Variants in CCDC88A observed in about 807,000 individuals in gnomAD.
CCDC88A encodes the protein coiled-coil and HOOK domain protein 88A, also known as girdin.
A neutral mutation model predicts 234.3 loss-of-function variants in CCDC88A; 54 were observed. That is an observed-to-expected ratio of 0.23 (90% confidence interval 0.19 to 0.29). The LOEUF (loss-of-function observed/expected upper bound fraction) is 0.29. CCDC88A is among the 10% of genes least tolerant of loss of function. The pLI is 1.00. For synonymous variants in CCDC88A, 753 were observed against 737.8 expected (o/e 1.02, Z -0.33); for missense variants, 1,832 against 2,123.4 (o/e 0.86, Z 2.70).
At chr2:55,305,585 G>A (rs1185016799) in intron 25 of CCDC88A, among the ~76,000 whole-genome samples, 1 of 152,146 alleles carries the variant, frequency 6.6e-6, no homozygotes, top group African/African-American at 2.4e-5. Context: ...AGTGGTTCAT[G>A]CCTGTAATCC....
intron 3 of CCDC88A, among the ~76,000 whole-genome samples, chr2:55,376,820 T>C (rs1220791103): frequency 6.6e-6 from 1 of 152,180 alleles, no homozygotes; most frequent in African/African-American, 2.4e-5. Context: ...CTTAAAAGAA[T>C]AAATTTCTGC....
At chr2:55,337,376 A>G (rs567066355) in intron 13 of CCDC88A, 2 of 152,302 alleles carry the variant, frequency 1.3e-5, no homozygotes, top group East Asian at 3.9e-4. Flanking sequence ...GAGATGAAAA[A>G]TACTGGTAGT....
At chr2:55,405,595 T>C (rs1383613178) in intron 2 of CCDC88A, 1 of 152,198 alleles carries the variant, frequency 6.6e-6, no homozygotes, top group East Asian at 1.9e-4. Context: ...GTCTGTGCCC[T>C]GTTAGGAACC....
At chr2:55,313,676 T>G (rs1682612131) in intron 22 of CCDC88A, 1 of 152,236 alleles carries the variant, frequency 6.6e-6, no homozygotes, top group South Asian at 2.1e-4. Context: ...CCCAGAGATC[T>G]GTATTAAAAA....
chr2:55,371,253 T>C lies in CCDC88A; in HGVS notation c.402+1199A>G, dbSNP rs75471597. Among the ~76,000 whole-genome samples the C allele has an allele frequency of 3.0e-3, 457 of 152,320 alleles. 2 individuals carry two copies. Among genetic ancestry groups the C allele is most frequent in the African/African-American group, 7.3e-3 (302 of 41,564 alleles). The stretch of plus-strand genomic sequence containing the variant: ...TTAGAAGACCATATTCAACTTAATA[T>C]TTAATCAATTGTGAAGTAAACACCT... On this transcript the variant is annotated intron_variant, in intron 5 of 32. Transcript: ENST00000436346.
rs1685302982 is a variant in CCDC88A, at chr2:55,334,916, A to G, written c.1905T>C (p.His635=). ...ERAEELENEL[H]HLEKENELLQ... is the part of the protein sequence containing the mutation. ...ATAATTCATTTTCTTTTTCAAGATG[A>G]TGCAATTCATTTTCAAGTTCTTCAG... is the stretch of plus-strand genomic sequence containing the variant. The change falls in exon 15 of 33, where the codon CAT becomes CAC. Residue 635 remains histidine, a synonymous_variant. Transcript: ENST00000436346. The surrounding 1 kb of genome is among the most constrained non-coding windows in gnomAD (Gnocchi z 6.1). The G allele has an allele frequency of 2.6e-6, 4 of 1,518,232 alleles. No individual in the cohort carries two copies. Among genetic ancestry groups the G allele is most frequent in the Non-Finnish European group, 3.6e-6 (4 of 1,118,928 alleles). 94.0% of individuals were successfully genotyped at this position (1,518,232 alleles called of 1,614,324 possible).
intron 3 of CCDC88A, among the ~76,000 whole-genome samples, chr2:55,385,903 T>C (rs1315020135): frequency 7.4e-6 from 1 of 134,946 alleles, no homozygotes; most frequent in East Asian, 2.1e-4. Context: ...TAACAAAAAT[T>C]AGAGAGCTAA....
intron 5 of CCDC88A, 103 bp downstream of exon 5, chr2:55,372,349 T>G: frequency 1.7e-6 from 1 of 574,716 alleles, no homozygotes; most frequent in Non-Finnish European, 3.1e-6. Context: ...ACATGGACTT[T>G]GAAAACCAAT....
intron 3 of CCDC88A, among the ~76,000 whole-genome samples, chr2:55,376,615 C>T (rs1011316745): frequency 2.6e-5 from 4 of 152,018 alleles, no homozygotes; most frequent in Admixed American, 6.6e-5. Flanking sequence ...AAACTATTGC[C>T]AAAATATGCC....
intron 2 of CCDC88A, among the ~76,000 whole-genome samples, chr2:55,412,405 T>C (rs1292759160): frequency 6.6e-6 from 1 of 152,216 alleles, no homozygotes; most frequent in Non-Finnish European, 1.5e-5. Flanking sequence ...ATTGGGTCCA[T>C]GGCTTGTTAG....
intron 12 of CCDC88A, among the ~76,000 whole-genome samples, chr2:55,341,286 A>C (rs1229790050): frequency 6.7e-6 from 1 of 150,320 alleles, no homozygotes; most frequent in Non-Finnish European, 1.5e-5. Flanking sequence ...CTGGGACTAC[A>C]GGCGCGCGCC....
Position 55,317,899 on chromosome 2 carries a change from A to C in CCDC88A, c.3325-58T>G, listed in dbSNP as rs1402718183. ...AAAAACAGTTCATGTTCTTTTTCAA[A>C]ATACAAGATTACAATGTTAATTAAA... On this transcript the variant is annotated intron_variant, in intron 19 of 32. Transcript: ENST00000436346. The surrounding 1 kb of genome is among the most constrained non-coding windows in gnomAD (Gnocchi z 4.2). 1 of 1,197,876 alleles carries C rather than the reference A, an allele frequency of 8.3e-7. No individual in the cohort carries two copies. Among genetic ancestry groups the C allele is most frequent in the East Asian group, 2.4e-5 (1 of 42,276 alleles). The allele number at this position is 1,197,876 out of a possible 1,614,324, so 74.2% of individuals were successfully genotyped here.
At chr2:55,400,472 G>T (rs1371153390) in intron 2 of CCDC88A, among the ~76,000 whole-genome samples, 3 of 152,116 alleles carry the variant, frequency 2.0e-5, no homozygotes, top group Non-Finnish European at 4.4e-5. Flanking sequence ...CAGTAAAAGA[G>T]GGCCTCAAGC....
At chr2:55,340,590 T>C (rs1375284194) in intron 12 of CCDC88A, among the ~76,000 whole-genome samples, 2 of 152,212 alleles carry the variant, frequency 1.3e-5, no homozygotes, top group Non-Finnish European at 2.9e-5. Context: ...ATTATTTAAA[T>C]TTAACTATAA....
intron 14 of CCDC88A, among the ~76,000 whole-genome samples, chr2:55,336,269 A>C (rs1437718117): frequency 6.6e-6 from 1 of 152,198 alleles, no homozygotes; most frequent in East Asian, 1.9e-4. Flanking sequence ...AATGAGAATG[A>C]ACATTAAAGA....
Position 55,295,872 on chromosome 2 carries a change from C to T in CCDC88A, c.5276G>A (p.Arg1759Gln), listed in dbSNP as rs149348311. The T allele has an allele frequency of 5.0e-6, 8 of 1,613,912 alleles. No individual in the cohort carries two copies. Among genetic ancestry groups the T allele is most frequent in the South Asian group, 1.1e-5 (1 of 91,068 alleles). ...AATGAAGTAGGTATCTTCAGTTTTT[C>T]GAGGACCAGGTCTCAAAAACTCAGG... ...TKPEFLRPGP[R>Q]KTEDTYFISS... The change falls in exon 31 of 33, where the codon CGA (arginine) becomes CAA (glutamine). Residue 1759 changes from arginine to glutamine, a missense_variant. By Grantham distance (43) the Arg-to-Gln change is conservative. Around this residue, in one of 6 missense-constraint regions of CCDC88A, gnomAD observed 422 missense variants for 416.5 expected, o/e 1.01. Transcript: ENST00000436346.
At chr2:55,322,827 A>C (rs1163882031) in intron 17 of CCDC88A, 135 bp from the exon 18 acceptor site, 2 of 463,604 alleles carry the variant, frequency 4.3e-6, no homozygotes, top group African/African-American at 4.0e-5. Context: ...AATAATATGT[A>C]TGATTTATGC....
intron 9 of CCDC88A, 29 bp downstream of exon 9, chr2:55,349,489 C>T: frequency 6.8e-7 from 1 of 1,464,706 alleles, no homozygotes; most frequent in Non-Finnish European, 9.5e-7. Flanking sequence ...ACTTGGTGGT[C>T]CTAAATAACA....
intron 29 of CCDC88A, chr2:55,297,301 TATA>T (rs1294833042): frequency 7.7e-4 from 59 of 76,172 alleles, no homozygotes; most frequent in Non-Finnish European, 1.0e-3. Flanking sequence ...ATAATTTATA[TATA>T]ATTATATATA....
Sources: gnomAD v4.1 joint callset for allele counts (sites outside exome capture counted in the v4.1 genomes callset) on GRCh38, gnomAD v4.1.1 for gene constraint, gnomAD v4.1.1 regional missense constraint, Gnocchi (gnomAD v3.1) non-coding constraint, MANE v1.5 for transcripts, NCBI Gene and HGNC (gene_info 2026-07-23, HGNC 2026-07-21) for gene names.